Variants in TNRC6A observed in about 807,000 individuals in gnomAD.
TNRC6A encodes trinucleotide repeat containing adaptor 6A.
In TNRC6A, 44 loss-of-function variants were observed where a neutral mutation model predicts 221.2. The observed-to-expected ratio is 0.20, with a 90% confidence interval of 0.16 to 0.26. The LOEUF is 0.26. TNRC6A is among the 10% of genes least tolerant of loss of function. TNRC6A has a pLI of 1.00. For missense variants in TNRC6A, 2,199 were observed against 2,404.4 expected (o/e 0.91, Z 1.79); for synonymous variants, 847 against 838.5 (o/e 1.01, Z -0.18).
At chr16:24,657,916 T>C (rs1003653387) in intron 2 of TNRC6A, among the ~76,000 whole-genome samples, 3 of 152,190 alleles carry the variant, frequency 2.0e-5, no homozygotes, top group African/African-American at 7.2e-5. Flanking sequence ...CCTACATTCC[T>C]AAAATATGCT....
chr16:24,797,251 T>C (rs2058238384), intron 9 of TNRC6A, among the ~76,000 whole-genome samples: 1 of 152,208 alleles, frequency 6.6e-6, no homozygotes. Context: ...TCCTTCTGAC[T>C]GCTTGCCTTT....
In TNRC6A at chr16:24,790,352, A is replaced by G. The variant is rs766238017; in HGVS notation, c.1710A>G (p.Gly570=). The G allele has an allele frequency of 6.2e-6, 10 of 1,614,186 alleles. No individual in the cohort carries two copies. Among genetic ancestry groups the G allele is most frequent in the Non-Finnish European group, 8.5e-6 (10 of 1,180,036 alleles). ...GTNFQVNTNK[G]GGVWESGAAN... ...ACTTTCAAGTTAACACAAACAAAGG[A>G]GGTGGTGTGTGGGAATCTGGTGCAG... The change falls in exon 6 of 25, where the codon GGA becomes GGG. Residue 570 remains glycine (G), a synonymous_variant. Transcript: ENST00000395799.
At position 24,666,668 on chromosome 16, in the gene TNRC6A, A is replaced by AATATATAT. The variant is rs1555487102; in HGVS notation, n.402+25673_402+25680dup. Among the ~76,000 whole-genome samples the AATATATAT allele has an allele frequency of 6.2e-3, 402 of 65,058 alleles. 2 individuals carry two copies. The highest frequency in any genetic ancestry group is 0.011 in the Middle Eastern group (1 of 88). 42.7% of individuals were successfully genotyped at this position (65,058 alleles called of 152,430 possible). ...AAAAAAAAAAAAAAAAAAAAAAAAA[A>AATATATAT]ATATATATATATATATATATACATA... On this transcript the variant is annotated intron_variant and non_coding_transcript_variant, in intron 2 of 2. Coordinates refer to the TNRC6A transcript ENST00000566108.
intron 2 of TNRC6A, among the ~76,000 whole-genome samples, chr16:24,683,463 C>T (rs2055571201): frequency 6.6e-6 from 1 of 152,156 alleles, no homozygotes; most frequent in African/African-American, 2.4e-5. Flanking sequence ...TCCCAAAGTG[C>T]TTGGATTACA....
At chr16:24,659,732 C>T (rs2054990002) in intron 2 of TNRC6A, among the ~76,000 whole-genome samples, 1 of 152,208 alleles carries the variant, frequency 6.6e-6, no homozygotes. Flanking sequence ...CATGAGCTAT[C>T]ACACCCAGCC....
At chr16:24,794,915 G>A (rs2058187194) in intron 8 of TNRC6A, among the ~76,000 whole-genome samples, 196 bp downstream of exon 8, 1 of 152,060 alleles carries the variant, frequency 6.6e-6, no homozygotes, top group African/African-American at 2.4e-5. Context: ...TCTCCCCACT[G>A]CTACAGCTTG....
At chr16:24,744,518 G>GT (rs1426835054) in intron 2 of TNRC6A, among the ~76,000 whole-genome samples, 1 of 152,098 alleles carries the variant, frequency 6.6e-6, no homozygotes, top group Non-Finnish European at 1.5e-5. Flanking sequence ...ATTCATATCA[G>GT]TATGGACCCA....
At chr16:24,715,170 T>C (rs1023449389) in intron 2 of TNRC6A, among the ~76,000 whole-genome samples, 2 of 152,256 alleles carry the variant, frequency 1.3e-5, no homozygotes, top group Non-Finnish European at 2.9e-5. Context: ...TCTACAGATT[T>C]GTTCTGGAAT....
intron 5 of TNRC6A, among the ~76,000 whole-genome samples, chr16:24,780,938 TCTTGCAACTTCTACTACTTG>T (rs925016942): frequency 4.7e-4 from 71 of 152,092 alleles, no homozygotes; most frequent in African/African-American, 1.6e-3. Context: ...CTCCTTGCTG[TCTTGCAACTTCTACTACTTG>T]CTTGCAACTT....
intron 9 of TNRC6A, 59 bp downstream of exon 9, chr16:24,795,998 A>G (rs2058211792): frequency 6.4e-7 from 1 of 1,571,310 alleles, no homozygotes; most frequent in Middle Eastern, 1.7e-4. Context: ...TTTAGAAAGC[A>G]ACTGCAAACA....
chr16:24,629,880 G>C (rs184722597), intron 1 of TNRC6A, among the ~76,000 whole-genome samples: 78 of 151,936 alleles, frequency 5.1e-4, no homozygotes, highest in African/African-American at 1.6e-3. Context: ...GCAGAGCCAG[G>C]AGGATCACCT....
intron 20 of TNRC6A, among the ~76,000 whole-genome samples, chr16:24,818,198 C>G (rs939702628): frequency 6.6e-6 from 1 of 152,110 alleles, no homozygotes; most frequent in Non-Finnish European, 1.5e-5. Context: ...GACCAGGTGC[C>G]TTAGAGAGCA....
chr16:24,710,432 G>A (rs535209494), intron 2 of TNRC6A, among the ~76,000 whole-genome samples: 2 of 152,170 alleles, frequency 1.3e-5, no homozygotes, highest in Admixed American at 1.3e-4. Context: ...ACATAGAAAG[G>A]TGCCATCCCT....
Position 24,809,407 on chromosome 16 carries a change from C to A in TNRC6A, c.4598C>A (p.Ser1533Ter). ...MDMNSIKEPQ[S>*]RLRKWTTVDS... The stretch of plus-strand genomic sequence containing the variant: ...ATGAACAGTATTAAAGAGCCACAGT[C>A]AAGACTAAGGAAGTGGACGACAGTG... The change falls in exon 18 of 25, where the codon TCA becomes TAA. Residue 1533 changes from serine (S) to a stop codon, truncating the protein, a stop_gained. Transcript: ENST00000395799. LOFTEE classifies it high-confidence loss of function. 1 of 1,589,312 alleles carries A rather than the reference C, an allele frequency of 6.3e-7. No individual in the cohort carries two copies.
At position 24,790,521 on chromosome 16, in the gene TNRC6A, A is replaced by G; in HGVS notation, c.1879A>G (p.Asn627Asp). 3.7e-6 allele frequency: 6 copies of G among 1,614,230 alleles called. No individual in the cohort carries two copies. The highest frequency in any genetic ancestry group is 1.3e-5 in the African/African-American group (1 of 75,042). Residue 627 changes from asparagine (N) to aspartate (D), a missense_variant, in exon 6 of 25, where the codon AAT becomes GAT. By Grantham distance (23) the Asn-to-Asp change is conservative. Around this residue, in one of 8 missense-constraint regions of TNRC6A, gnomAD observed 1,405 missense variants for 1,400.2 expected, o/e 1.00. Coordinates refer to ENST00000395799, the MANE Select transcript of TNRC6A (RefSeq NM_014494.4). ...CAAACTGCCTAGCAATCAGCATTCCAATGATAGTGCAAATGGCAATGGTAA... is the reference window on the plus strand; with the variant it reads ...CAAACTGCCTAGCAATCAGCATTCCGATGATAGTGCAAATGGCAATGGTAA... ...WNKLPSNQHS[N>D]DSANGNGKTF...
chr16:24,818,262 G>A (rs183252011), intron 20 of TNRC6A, among the ~76,000 whole-genome samples: 196 of 152,210 alleles, frequency 1.3e-3, no homozygotes, highest in African/African-American at 3.9e-3. Flanking sequence ...ACCAAGACTC[G>A]AACCTCCTTT....
intron 8 of TNRC6A, among the ~76,000 whole-genome samples, chr16:24,794,995 A>C (rs1156731869): frequency 6.6e-6 from 1 of 152,116 alleles, no homozygotes; most frequent in Non-Finnish European, 1.5e-5. Flanking sequence ...TGGTGCCTGC[A>C]GTGGTGAGGA....
intron 4 of TNRC6A, among the ~76,000 whole-genome samples, chr16:24,766,339 C>T (rs1236251752): frequency 6.6e-6 from 1 of 152,164 alleles, no homozygotes; most frequent in Non-Finnish European, 1.5e-5. Context: ...AGATACATTG[C>T]CTGGCATCTA....
intron 19 of TNRC6A, chr16:24,816,160 A>G (rs1252545856): frequency 6.6e-6 from 1 of 151,652 alleles, no homozygotes; most frequent in Non-Finnish European, 1.5e-5. Flanking sequence ...CCCCATCTCT[A>G]CTAAAAATGC....
Sources: gnomAD v4.1 joint callset for allele counts (sites outside exome capture counted in the v4.1 genomes callset) on GRCh38, gnomAD v4.1.1 for gene constraint, gnomAD v4.1.1 regional missense constraint, MANE v1.5 for transcripts, NCBI Gene and HGNC (gene_info 2026-07-23, HGNC 2026-07-21) for gene names.